BNIP2: variants seen among roughly 807,000 people sequenced by gnomAD.
The protein encoded by BNIP2 is BCL2 interacting protein 2.
A neutral mutation model predicts 43.4 loss-of-function variants in BNIP2; 36 were observed. The observed-to-expected ratio is 0.83, with a 90% CI of 0.64 to 1.10. The LOEUF is 1.10. Among genes scored for constraint, BNIP2 ranks in the 50% least tolerant of loss-of-function variants. BNIP2 has a pLI of 0.00. For missense variants in BNIP2, 417 were observed against 374.1 expected, an observed-to-expected ratio of 1.11 and a Z score of -0.95; for synonymous variants, 146 against 121.0, an observed-to-expected ratio of 1.21 and a Z score of -1.35.
chr15:59,663,548 G>T lies in BNIP2; in HGVS notation c.*521C>A, dbSNP rs551951788. The T allele has an allele frequency of 1.3e-5, 2 of 152,540 alleles. No individual in the cohort carries two copies. Among genetic ancestry groups the T allele is most frequent in the Non-Finnish European group, 2.9e-5 (2 of 68,030 alleles). 9.4% of individuals were successfully genotyped at this position (152,540 alleles called of 1,614,324 possible). ...ATGACAATCAGTTTAACCATCTGTT[G>T]CCTTATGAAAAACTTAATTTCCTAA... is the stretch of plus-strand genomic sequence containing the variant. On this transcript the variant is annotated 3_prime_UTR_variant, in exon 10 of 10. Transcript: ENST00000607373.
rs551586874 is a variant in BNIP2 at position 59,683,087 on chromosome 15, C to T, written c.-57-573G>A. ...AATTATGCAATCTTTTGATTTGTTT[C>T]ATATCTATACTATGCCCTTCTCATA... On this transcript the variant is annotated intron_variant, in intron 1 of 9. Coordinates refer to ENST00000607373, the MANE Select transcript of BNIP2 (RefSeq NM_004330.4). 1.4e-4 allele frequency among the ~76,000 whole-genome samples: 21 copies of T among 152,318 alleles called. No homozygotes were observed. The South Asian group carries it at 4.3e-3, about 32-fold the overall frequency.
chr15:59,668,798 T>C, intron 9 of BNIP2, 94 bp downstream of exon 9: 1 of 1,144,260 alleles, frequency 8.7e-7, no homozygotes. Context: ...AGTTATAAAA[T>C]ATAATACATA....
chr15:59,673,677 T>C (rs1893080233), intron 5 of BNIP2, among the ~76,000 whole-genome samples: 1 of 152,126 alleles, frequency 6.6e-6, no homozygotes. Flanking sequence ...GCAATCCTCC[T>C]CCTTTGGCCT....
At chr15:59,673,812 G>C (rs1893088216) in intron 5 of BNIP2, among the ~76,000 whole-genome samples, 1 of 152,076 alleles carries the variant, frequency 6.6e-6, no homozygotes, top group African/African-American at 2.4e-5. Flanking sequence ...ATTAGGCCGG[G>C]CGAGGTGGCT....
At chr15:59,678,573 A>G in intron 4 of BNIP2, 1 of 1,113,068 alleles carries the variant, frequency 9.0e-7, no homozygotes, top group Non-Finnish European at 1.1e-6. Flanking sequence ...GATCAGTTTT[A>G]TAAAGCAGAA....
Position 59,677,905 on chromosome 15 carries a change from T to G in BNIP2, c.472+6A>C. On this transcript the variant is annotated splice_donor_region_variant and intron_variant, in intron 5 of 9. Coordinates refer to ENST00000607373, the MANE Select transcript of BNIP2 (RefSeq NM_004330.4). Reference sequence around the variant, plus strand: ...AACAATCTGAAAAATCCTCAGTAACTCTTACCCCCATGGCTGATAACTTTT... The same window carrying G: ...AACAATCTGAAAAATCCTCAGTAACGCTTACCCCCATGGCTGATAACTTTT... The G allele has an allele frequency of 2.5e-6, 4 of 1,597,212 alleles. No homozygotes were observed. The highest frequency in any genetic ancestry group is 3.4e-6 in the Non-Finnish European group (4 of 1,174,982).
At chr15:59,685,986 AGAT>A (rs1420381842) in intron 1 of BNIP2, among the ~76,000 whole-genome samples, 3 of 152,242 alleles carry the variant, frequency 2.0e-5, no homozygotes, top group Non-Finnish European at 4.4e-5. Context: ...TAACACTTTA[AGAT>A]GATATTTGTT....
intron 5 of BNIP2, among the ~76,000 whole-genome samples, chr15:59,673,384 G>C (rs1566964468): frequency 6.6e-6 from 1 of 151,712 alleles, no homozygotes; most frequent in Non-Finnish European, 1.5e-5. Flanking sequence ...ACAGTGCTGG[G>C]ATTACAGGCG....
At chr15:59,671,156 C>G (rs1308650391) in intron 7 of BNIP2, 27 bp downstream of exon 7, 2 of 1,525,760 alleles carry the variant, frequency 1.3e-6, no homozygotes, top group Non-Finnish European at 1.8e-6. Flanking sequence ...TTTTTTCAGA[C>G]TAGCTTTCAA....
intron 9 of BNIP2, chr15:59,668,177 A>C (rs1892679731): frequency 8.9e-7 from 1 of 1,127,556 alleles, no homozygotes; most frequent in African/African-American, 1.6e-5. Context: ...TATACATGTT[A>C]TGAAAATGAA....
chr15:59,669,794 A>C (rs1266024539), intron 7 of BNIP2, among the ~76,000 whole-genome samples: 1 of 152,228 alleles, frequency 6.6e-6, no homozygotes, highest in South Asian at 2.1e-4. Flanking sequence ...AGGAACAAAA[A>C]CAAATCAGAT....
Position 59,662,500 on chromosome 15 carries a change from C to T in BNIP2, c.*1569G>A, listed in dbSNP as rs1189293823. On this transcript the variant is annotated 3_prime_UTR_variant, in exon 10 of 10. Coordinates refer to ENST00000607373, the MANE Select transcript of BNIP2 (RefSeq NM_004330.4). ...TTTCATCCTGGGAATCCTCCAGCAT[C>T]TCTCTCCTATAACTGGTTTTAAGTT... 6.6e-6 allele frequency: 1 copy of T among 152,244 alleles called. No individual in the cohort carries two copies. The highest frequency in any genetic ancestry group is 1.5e-5 in the Non-Finnish European group (1 of 68,048). The allele number at this position is 152,244 out of a possible 1,614,324, so 9.4% of individuals were successfully genotyped here. A position where few individuals can be genotyped will look rare whatever the true frequency, so the allele number is the denominator to read the frequency against.
chr15:59,689,006 C>G, intron 1 of BNIP2, 129 bp downstream of exon 1: 1 of 1,444,172 alleles, frequency 6.9e-7, no homozygotes, highest in Non-Finnish European at 9.0e-7. Context: ...GCTCCCCCTA[C>G]CAAGGGTAAC....
chr15:59,686,401 C>G (rs1046906286), intron 1 of BNIP2, among the ~76,000 whole-genome samples: 3 of 151,974 alleles, frequency 2.0e-5, no homozygotes, highest in African/African-American at 7.3e-5. Context: ...TTTTTAAGAT[C>G]GCATTAGAAC....
chr15:59,677,994 C>G lies in BNIP2; in HGVS notation c.389G>C (p.Trp130Ser), dbSNP rs1354717047. ...AAEEKEDGRR[W>S]RMFRIGEQDH... Reference sequence around the variant, plus strand: ...CTGTTCTCCAATCCTGAACATACGCCAGCGTCGTCCATCTTCTTTTTCCTC... The same window carrying G: ...CTGTTCTCCAATCCTGAACATACGCGAGCGTCGTCCATCTTCTTTTTCCTC... Residue 130 changes from tryptophan (W) to serine (S), a missense_variant, in exon 5 of 10, where the codon TGG becomes TCG. By Grantham distance (177) the Trp-to-Ser change is radical. Transcript: ENST00000607373. The G allele has an allele frequency of 6.2e-7, 1 of 1,613,866 alleles. No individual in the cohort carries two copies. The highest frequency in any genetic ancestry group is 1.7e-5 in the Admixed American group (1 of 60,010).
rs1402787852 is a variant in BNIP2 at position 59,663,277 on chromosome 15, G to A, written c.*792C>T. Reference sequence around the variant, plus strand: ...TGAACAAACTCAAGATTTTTATAAAGTTCTGACTTTGGGCCAGAAGATAAA... The same window carrying A: ...TGAACAAACTCAAGATTTTTATAAAATTCTGACTTTGGGCCAGAAGATAAA... On this transcript the variant is annotated 3_prime_UTR_variant, in exon 10 of 10. Coordinates refer to ENST00000607373, the MANE Select transcript of BNIP2 (RefSeq NM_004330.4). 1.3e-5 allele frequency: 2 copies of A among 152,332 alleles called. No individual in the cohort carries two copies. The highest frequency in any genetic ancestry group is 2.9e-5 in the Non-Finnish European group (2 of 68,038). The allele number at this position is 152,332 out of a possible 1,614,324, so 9.4% of individuals were successfully genotyped here.
chr15:59,675,198 G>A (rs1325351917), intron 5 of BNIP2, among the ~76,000 whole-genome samples: 1 of 150,036 alleles, frequency 6.7e-6, no homozygotes, highest in Non-Finnish European at 1.5e-5. Context: ...GCAGTGAGCC[G>A]AGATTGCGCC....
At position 59,669,284 on chromosome 15, in the gene BNIP2, T is replaced by C; in HGVS notation, c.786A>G (p.Pro262=). ...FIRTLLAVTR[P]FISSKFSQKI... is the part of the protein sequence containing the mutation. ...TGGCTCTCAAAAATTACCTAATAAA[T>C]GGTCTTGTAACAGCCAGAAGTGTTC... The change falls in exon 8 of 10, where the codon CCA becomes CCG. Residue 262 remains proline (P), a synonymous_variant. Transcript: ENST00000607373. 1 of 1,544,682 alleles carries C rather than the reference T, an allele frequency of 6.5e-7. No individual in the cohort carries two copies. Among genetic ancestry groups the C allele is most frequent in the South Asian group, 1.3e-5 (1 of 76,976 alleles).
rs947801250 is a variant in BNIP2, at chr15:59,662,998, G to C, written c.*1071C>G. On this transcript the variant is annotated 3_prime_UTR_variant, in exon 10 of 10. Transcript: ENST00000607373. ...ACTTACAAAATTAACCTAATTTACAGTATTGTCAAACATGATTTCATACAA... is the reference window on the plus strand; with the variant it reads ...ACTTACAAAATTAACCTAATTTACACTATTGTCAAACATGATTTCATACAA... The C allele has an allele frequency of 3.3e-5, 5 of 152,576 alleles. No individual in the cohort carries two copies. Among genetic ancestry groups the C allele is most frequent in the Non-Finnish European group, 7.3e-5 (5 of 68,036 alleles). 9.5% of individuals were successfully genotyped at this position (152,576 alleles called of 1,614,324 possible).
Sources: gnomAD v4.1 joint callset for allele counts (sites outside exome capture counted in the v4.1 genomes callset) on GRCh38, gnomAD v4.1.1 for gene constraint, MANE v1.5 for transcripts, NCBI Gene and HGNC (gene_info 2026-07-23, HGNC 2026-07-21) for gene names.